CNTN4: variants seen among roughly 807,000 people sequenced by gnomAD.
CNTN4 encodes the protein contactin 4, also known as contactin-4.
In CNTN4, 77 loss-of-function variants were observed where a neutral mutation model predicts 122.5. The ratio of observed to expected loss-of-function variants is 0.63; its 90% CI spans 0.52 to 0.76. The LOEUF (loss-of-function observed/expected upper bound fraction) is 0.76. Ranked by LOEUF, CNTN4 falls within the 30% of genes least tolerant of loss-of-function variation. CNTN4 has a pLI of 0.00. For synonymous variants in CNTN4, 512 were observed against 447.0 expected, an observed-to-expected ratio of 1.15 and a Z score of -1.83; for missense variants, 1,256 against 1,259.1, an observed-to-expected ratio of 1.00 and a Z score of 0.04.
chr3:2,208,138 T>C (rs1242057301), intron 2 of CNTN4, among the ~76,000 whole-genome samples: 4 of 152,176 alleles, frequency 2.6e-5, no homozygotes, highest in African/African-American at 7.2e-5. Context: ...GTACCATAGA[T>C]AGTGATTCCT....
At chr3:2,373,432 G>A (rs575344216) in intron 3 of CNTN4, among the ~76,000 whole-genome samples, 5 of 152,286 alleles carry the variant, frequency 3.3e-5, no homozygotes, top group South Asian at 4.2e-4. Context: ...GTTTTTGAAC[G>A]CTGAAAGCCA....
In CNTN4 at chr3:2,816,960, C is replaced by T. The variant is rs552502812; in HGVS notation, c.359-2526C>T. Among the ~76,000 whole-genome samples, 15 of 151,582 alleles carry T rather than the reference C, an allele frequency of 9.9e-5. No individual in the cohort carries two copies. In the East Asian group the frequency reaches 2.9e-3, roughly 30 times the overall value. ...TGGTAAAGGCTTAATCATGAGTGTA[C>T]AAACTTTGACATAATACCCATTTAC... On this transcript the variant is annotated intron_variant, in intron 6 of 24. Coordinates refer to ENST00000418658, the MANE Select transcript of CNTN4 (RefSeq NM_175607.3).
chr3:2,756,811 G>C (rs115259307), intron 6 of CNTN4, among the ~76,000 whole-genome samples: 1,842 of 152,284 alleles, frequency 0.012, 15 homozygotes, highest in Non-Finnish European at 0.017. Flanking sequence ...AGCAGGGAAA[G>C]ATTCTCTCCT....
chr3:2,463,531 G>A (rs1192317529), intron 3 of CNTN4, among the ~76,000 whole-genome samples: 8 of 152,068 alleles, frequency 5.3e-5, no homozygotes, highest in Admixed American at 1.3e-4. Flanking sequence ...AGGCTGAGGC[G>A]GATGGATCAC....
intron 3 of CNTN4, among the ~76,000 whole-genome samples, chr3:2,547,638 A>C (rs6763008): frequency 0.77 from 117,605 of 151,978 alleles, 45,679 homozygotes; most frequent in African/African-American, 0.83. Flanking sequence ...AAAGTTGGGA[A>C]CTGGGATTCC....
chr3:2,289,129 G>A (rs564599793), intron 2 of CNTN4, among the ~76,000 whole-genome samples: 2 of 152,286 alleles, frequency 1.3e-5, no homozygotes, highest in African/African-American at 2.4e-5. Flanking sequence ...GTTTTAAACA[G>A]CTTCCCAATG....
chr3:2,450,367 AAAATAAAT>A (rs56349378), intron 3 of CNTN4, among the ~76,000 whole-genome samples: 590 of 148,520 alleles, frequency 4.0e-3, no homozygotes, highest in East Asian at 0.023. Flanking sequence ...ACTCTGTCTC[AAAATAAAT>A]AAATAAATAA....
intron 3 of CNTN4, among the ~76,000 whole-genome samples, chr3:2,502,266 T>C (rs1398034573): frequency 6.6e-6 from 1 of 152,198 alleles, no homozygotes; most frequent in Non-Finnish European, 1.5e-5. Flanking sequence ...TAACACTTCA[T>C]GTGCTAAGGG....
At chr3:2,566,194 T>A (rs1421666420) in intron 3 of CNTN4, among the ~76,000 whole-genome samples, 5 of 152,238 alleles carry the variant, frequency 3.3e-5, no homozygotes, top group Non-Finnish European at 7.3e-5. Flanking sequence ...ACCATCAGGA[T>A]GTTATCTCAC....
At chr3:2,756,887 G>A (rs1329888833) in intron 6 of CNTN4, among the ~76,000 whole-genome samples, 6 of 152,130 alleles carry the variant, frequency 3.9e-5, no homozygotes, top group South Asian at 4.1e-4. Context: ...CCAGAACTGC[G>A]AGAGAATAAA....
intron 4 of CNTN4, among the ~76,000 whole-genome samples, chr3:2,659,964 C>G (rs1384738315): frequency 2.6e-5 from 4 of 152,180 alleles, no homozygotes; most frequent in African/African-American, 7.2e-5. Flanking sequence ...ATACCTTGTA[C>G]ATGAAATCCT....
chr3:2,847,202 A>G (rs1370667306), intron 7 of CNTN4, among the ~76,000 whole-genome samples: 1 of 151,474 alleles, frequency 6.6e-6, no homozygotes, highest in Non-Finnish European at 1.5e-5. Context: ...GTTTTTTCTA[A>G]TAGCTAAACT....
At chr3:2,331,240 A>G (rs879741036) in intron 2 of CNTN4, among the ~76,000 whole-genome samples, 1 of 152,110 alleles carries the variant, frequency 6.6e-6, no homozygotes, top group African/African-American at 2.4e-5. Flanking sequence ...TTTTTTTTGA[A>G]GATACTTATT....
chr3:2,408,405 T>G (rs2047112835), intron 3 of CNTN4, among the ~76,000 whole-genome samples: 1 of 152,142 alleles, frequency 6.6e-6, no homozygotes, highest in Non-Finnish European at 1.5e-5. Context: ...AAAATGTACT[T>G]GAGGAAAAAA....
At chr3:2,399,222 G>A (rs1023038797) in intron 3 of CNTN4, among the ~76,000 whole-genome samples, 3 of 152,016 alleles carry the variant, frequency 2.0e-5, no homozygotes, top group African/African-American at 7.2e-5. Context: ...CTTACTCTGG[G>A]TTAGTTTAGA....
At chr3:2,492,466 C>T (rs2076345444) in intron 3 of CNTN4, among the ~76,000 whole-genome samples, 1 of 152,172 alleles carries the variant, frequency 6.6e-6, no homozygotes, top group Non-Finnish European at 1.5e-5. Flanking sequence ...AGGCCTCATT[C>T]TCTCATTGAC....
At chr3:2,110,980 T>C (rs9842147) in intron 2 of CNTN4, among the ~76,000 whole-genome samples, 292 of 152,306 alleles carry the variant, frequency 1.9e-3, no homozygotes, top group African/African-American at 6.7e-3. Context: ...TTACCTGTAG[T>C]ACAATAAACT....
intron 3 of CNTN4, among the ~76,000 whole-genome samples, chr3:2,347,093 C>G (rs1196097169): frequency 2.0e-5 from 3 of 152,102 alleles, no homozygotes; most frequent in Non-Finnish European, 4.4e-5. Flanking sequence ...TCATCAGTGT[C>G]TATTCTGCTA....
chr3:2,890,968 G>C (rs1004047917), intron 10 of CNTN4, among the ~76,000 whole-genome samples: 3 of 150,866 alleles, frequency 2.0e-5, no homozygotes, highest in African/African-American at 4.9e-5. Flanking sequence ...TTTCCAAAAT[G>C]ACTTTAATAC....
Sources: allele counts gnomAD v4.1 joint callset (sites outside exome capture counted in the v4.1 genomes callset), GRCh38; gene constraint gnomAD v4.1.1; transcripts MANE v1.5; gene names NCBI Gene and HGNC (gene_info 2026-07-23, HGNC 2026-07-21).